ZFAND3: variants seen among roughly 807,000 people sequenced by gnomAD.
ZFAND3 encodes the protein zinc finger AN1-type containing 3, also known as AN1-type zinc finger protein 3.
In ZFAND3, 10 loss-of-function variants were observed where a neutral mutation model predicts 29.6. The ratio of observed to expected loss-of-function variants is 0.34; its 90% confidence interval spans 0.21 to 0.57. ZFAND3 has a LOEUF of 0.57. Among genes scored for constraint, ZFAND3 ranks in the 20% least tolerant of loss-of-function variants. The pLI, the probability that ZFAND3 is intolerant of heterozygous loss-of-function variation, is 0.86. For synonymous variants in ZFAND3, 128 were observed against 112.6 expected (o/e 1.14, Z -0.87); for missense variants, 230 against 304.5 (o/e 0.76, Z 1.82).
intron 2 of ZFAND3, among the ~76,000 whole-genome samples, chr6:37,961,541 C>T (rs1010733363): frequency 2.0e-5 from 3 of 152,210 alleles, no homozygotes; most frequent in Non-Finnish European, 4.4e-5. Flanking sequence ...TACAGTGGGC[C>T]TTGGGTGAAA....
chr6:38,122,573 G>T (rs1350828252), intron 5 of ZFAND3, among the ~76,000 whole-genome samples: 2 of 152,126 alleles, frequency 1.3e-5, no homozygotes, highest in Non-Finnish European at 2.9e-5. Context: ...GGTGGGGGGA[G>T]GATTTGGGAG....
chr6:37,995,546 T>C (rs1385977083), intron 2 of ZFAND3, among the ~76,000 whole-genome samples: 1 of 152,182 alleles, frequency 6.6e-6, no homozygotes, highest in Non-Finnish European at 1.5e-5. Context: ...GTTGGAAAAT[T>C]TAATTTTGCA....
chr6:38,151,569 C>T (rs190220735), intron 5 of ZFAND3, among the ~76,000 whole-genome samples: 2 of 149,500 alleles, frequency 1.3e-5, no homozygotes, highest in South Asian at 2.1e-4. Context: ...GCTGGGGGCC[C>T]GAGTGTGGGC....
intron 4 of ZFAND3, among the ~76,000 whole-genome samples, chr6:38,096,101 T>C (rs545235268): frequency 2.0e-5 from 3 of 152,280 alleles, no homozygotes; most frequent in African/African-American, 7.2e-5. Flanking sequence ...CAGATGCCAC[T>C]GATTATCATT....
At chr6:38,047,532 T>A (rs997827473) in intron 2 of ZFAND3, among the ~76,000 whole-genome samples, 1 of 152,182 alleles carries the variant, frequency 6.6e-6, no homozygotes, top group Non-Finnish European at 1.5e-5. Context: ...ACACACACTA[T>A]GAATCCCAGA....
chr6:37,846,570 G>A (rs1268954957), intron 1 of ZFAND3, among the ~76,000 whole-genome samples: 2 of 152,124 alleles, frequency 1.3e-5, no homozygotes, highest in African/African-American at 2.4e-5. Flanking sequence ...ACTACTCTTG[G>A]ACGTTGCAGA....
At chr6:37,860,704 T>G (rs1469074976) in intron 1 of ZFAND3, among the ~76,000 whole-genome samples, 1 of 151,416 alleles carries the variant, frequency 6.6e-6, no homozygotes, top group Non-Finnish European at 1.5e-5. Context: ...ATATTTACTC[T>G]TCTCTGTTTG....
At chr6:38,137,401 C>T (rs1233884596) in intron 5 of ZFAND3, among the ~76,000 whole-genome samples, 1 of 152,182 alleles carries the variant, frequency 6.6e-6, no homozygotes, top group Non-Finnish European at 1.5e-5. Context: ...TTAAATATTG[C>T]TAGAAGTAAT....
At chr6:38,018,615 C>A (rs888025263) in intron 2 of ZFAND3, among the ~76,000 whole-genome samples, 1 of 152,142 alleles carries the variant, frequency 6.6e-6, no homozygotes, top group African/African-American at 2.4e-5. Flanking sequence ...CATTTCGTAT[C>A]GGTACCAATG....
At chr6:38,140,833 T>C (rs1765935603) in intron 5 of ZFAND3, among the ~76,000 whole-genome samples, 1 of 152,230 alleles carries the variant, frequency 6.6e-6, no homozygotes, top group Non-Finnish European at 1.5e-5. Flanking sequence ...GCTTTCACTA[T>C]AGTGTGTAGT....
At chr6:38,084,558 T>C (rs1051493832) in intron 4 of ZFAND3, among the ~76,000 whole-genome samples, 42 of 152,220 alleles carry the variant, frequency 2.8e-4, no homozygotes, top group Non-Finnish European at 5.9e-5. Context: ...AAGAGTAAAG[T>C]AGAAGTACTG....
chr6:37,969,409 T>C (rs1342229881), intron 2 of ZFAND3, among the ~76,000 whole-genome samples: 2 of 152,232 alleles, frequency 1.3e-5, no homozygotes, highest in Admixed American at 6.5e-5. Flanking sequence ...CATTATAGCT[T>C]AGGCTACAAC....
intron 4 of ZFAND3, among the ~76,000 whole-genome samples, chr6:38,111,210 T>C (rs1765309161): frequency 6.6e-6 from 1 of 152,196 alleles, no homozygotes; most frequent in Non-Finnish European, 1.5e-5. Context: ...TCCATGTCTT[T>C]AAAATTACTG....
At chr6:38,081,895 C>G (rs527923373) in intron 3 of ZFAND3, among the ~76,000 whole-genome samples, 1 of 151,894 alleles carries the variant, frequency 6.6e-6, no homozygotes, top group Non-Finnish European at 1.5e-5. Flanking sequence ...GAAAATGATT[C>G]TTATTTCTTC....
Position 37,944,587 on chromosome 6 carries a change from C to T in ZFAND3, c.112+14588C>T, listed in dbSNP as rs188295198. Reference sequence around the variant, plus strand: ...AATGGGAAAGGCAAAACTACTAAATCGGTTTTTCTTTTGTGATGACTGAGG... The same window carrying T: ...AATGGGAAAGGCAAAACTACTAAATTGGTTTTTCTTTTGTGATGACTGAGG... On this transcript the variant is annotated intron_variant, in intron 2 of 5. Coordinates refer to ENST00000287218, the MANE Select transcript of ZFAND3 (RefSeq NM_021943.3). Among the ~76,000 whole-genome samples the T allele has an allele frequency of 2.8e-3, 430 of 152,304 alleles. 2 individuals are homozygous for T. Among genetic ancestry groups the T allele is most frequent in the African/African-American group, 9.8e-3 (408 of 41,564 alleles).
Position 37,980,026 on chromosome 6 carries a change from A to G in ZFAND3, c.112+50027A>G, listed in dbSNP as rs568889960. On this transcript the variant is annotated intron_variant, in intron 2 of 5. Transcript: ENST00000287218. ...CTGCAGCTGCACAGGTTACATGCCT[A>G]CCAAGCCAGGGCTACTGCTGTACTC... Among the ~76,000 whole-genome samples, 4 of 152,296 alleles carry G rather than the reference A, an allele frequency of 2.6e-5. No individual in the cohort carries two copies. In the South Asian group the frequency reaches 8.3e-4, roughly 32 times the overall value.
intron 5 of ZFAND3, among the ~76,000 whole-genome samples, chr6:38,150,863 G>A (rs1205306284): frequency 6.6e-6 from 1 of 152,168 alleles, no homozygotes; most frequent in Non-Finnish European, 1.5e-5. Flanking sequence ...CTCCAGACAG[G>A]GAGAACAGGT....
At chr6:37,922,403 A>G (rs879566759) in intron 1 of ZFAND3, among the ~76,000 whole-genome samples, 1 of 152,238 alleles carries the variant, frequency 6.6e-6, no homozygotes, top group African/African-American at 2.4e-5. Context: ...GTTTTTGAAG[A>G]ATATTTAAGG....
At chr6:38,116,465 G>C in intron 4 of ZFAND3, 107 bp from the exon 5 acceptor site, 1 of 1,335,704 alleles carries the variant, frequency 7.5e-7, no homozygotes, top group Non-Finnish European at 1.0e-6. Flanking sequence ...TCTGATTCCT[G>C]GACAAGGGCA....
Sources: allele counts gnomAD v4.1 joint callset (sites outside exome capture counted in the v4.1 genomes callset), GRCh38; gene constraint gnomAD v4.1.1; transcripts MANE v1.5; gene names NCBI Gene and HGNC (gene_info 2026-07-23, HGNC 2026-07-21).